KATNIP: variants seen among roughly 807,000 people sequenced by gnomAD.
The protein encoded by KATNIP is katanin-interacting protein.
Under a neutral mutation model 174.0 loss-of-function variants are expected in KATNIP, and 126 were observed. The observed-to-expected ratio is 0.72, with a 90% CI of 0.63 to 0.84. The LOEUF is 0.84. KATNIP is among the 40% of genes least tolerant of loss of function. KATNIP has a pLI of 0.00. For missense variants in KATNIP, 1,958 were observed against 2,109.7 expected (o/e 0.93, Z 1.41); for synonymous variants, 810 against 835.7 (o/e 0.97, Z 0.53).
At chr16:27,771,522 G>C in intron 21 of KATNIP, 66 bp from the exon 22 acceptor site, 3 of 1,477,504 alleles carry the variant, frequency 2.0e-6, no homozygotes, top group Non-Finnish European at 2.8e-6. Flanking sequence ...GTTACCTAGG[G>C]GGTAACTGGC....
intron 3 of KATNIP, among the ~76,000 whole-genome samples, chr16:27,622,159 G>A (rs1479667760): frequency 2.6e-5 from 4 of 151,754 alleles, no homozygotes; most frequent in Non-Finnish European, 5.9e-5. Flanking sequence ...TTTGGAAGAT[G>A]GGGGAGATTC....
chr16:27,663,556 C>T (rs1007055337), intron 6 of KATNIP, among the ~76,000 whole-genome samples: 9 of 151,780 alleles, frequency 5.9e-5, no homozygotes, highest in East Asian at 1.9e-4. Context: ...TCAAGTGATT[C>T]GCCTGTCTCA....
intron 1 of KATNIP, among the ~76,000 whole-genome samples, chr16:27,554,986 T>TG (rs1309983143): frequency 5.3e-5 from 8 of 152,010 alleles, no homozygotes; most frequent in African/African-American, 1.9e-4. Flanking sequence ...TTAGTAGAGA[T>TG]GGGGTTTCAC....
chr16:27,690,073 C>T lies in KATNIP; in HGVS notation c.941-8255C>T, dbSNP rs145519149. Among the ~76,000 whole-genome samples the T allele has an allele frequency of 3.5e-4, 53 of 152,144 alleles. No individual in the cohort carries two copies. The South Asian group carries it at 0.01, about 30-fold the overall frequency. ...AGCCTAGCACTTTGGGAGTCCGAGGCGAGAGGATCACTTGAGCCTGGGAGT... is the reference window on the plus strand; with the variant it reads ...AGCCTAGCACTTTGGGAGTCCGAGGTGAGAGGATCACTTGAGCCTGGGAGT... On this transcript the variant is annotated intron_variant, in intron 8 of 27. Transcript: ENST00000261588.
Position 27,648,848 on chromosome 16 carries a change from C to A in KATNIP, c.540+113C>A, listed in dbSNP as rs544695492. On this transcript the variant is annotated intron_variant, in intron 6 of 27. Transcript: ENST00000261588. ...GTTATTTATTCTGTCCTTCACTCGC[C>A]GCTGTGTTCCTTCACTCTTGCGTTC... 9 of 1,195,910 alleles carry A rather than the reference C, an allele frequency of 7.5e-6. No homozygotes were observed. The African/African-American group carries it at 9.1e-5, about 12-fold the overall frequency. 74.1% of individuals were successfully genotyped at this position (1,195,910 alleles called of 1,614,324 possible).
intron 1 of KATNIP, 78 bp from the exon 2 acceptor site, chr16:27,573,822 CA>C: frequency 7.5e-7 from 1 of 1,333,026 alleles, no homozygotes; most frequent in Non-Finnish European, 1.1e-6. Flanking sequence ...ATTCAGTTTG[CA>C]AATAAAAATC....
At chr16:27,572,745 T>C (rs2090355097) in intron 1 of KATNIP, among the ~76,000 whole-genome samples, 1 of 152,148 alleles carries the variant, frequency 6.6e-6, no homozygotes, top group Non-Finnish European at 1.5e-5. Context: ...TAGGGTATCA[T>C]TATGAGCTGA....
In KATNIP at chr16:27,766,490, G is replaced by T; in HGVS notation, c.3975+16G>T. ...CTATCGCGGGGTAAGCTGGGGAGCAGTGGCCGTGCTCAGTCCAGCATCAGG... is the reference window on the plus strand; with the variant it reads ...CTATCGCGGGGTAAGCTGGGGAGCATTGGCCGTGCTCAGTCCAGCATCAGG... On this transcript the variant is annotated intron_variant, in intron 20 of 27. Transcript: ENST00000261588. 1 of 1,607,220 alleles carries T rather than the reference G, an allele frequency of 6.2e-7. No individual in the cohort carries two copies.
At chr16:27,753,237 T>A (rs1357155133) in intron 17 of KATNIP, among the ~76,000 whole-genome samples, 3 of 152,136 alleles carry the variant, frequency 2.0e-5, no homozygotes, top group African/African-American at 7.2e-5. Context: ...GCTGGATTTT[T>A]CTGTAAAACC....
chr16:27,662,422 G>T (rs2077557815), intron 6 of KATNIP, among the ~76,000 whole-genome samples: 1 of 152,076 alleles, frequency 6.6e-6, no homozygotes, highest in South Asian at 2.1e-4. Context: ...AAACATCAAA[G>T]GCCCCCAGGG....
At position 27,713,811 on chromosome 16, in the gene KATNIP, T is replaced by C. The variant is rs59881732; in HGVS notation, c.1605+4891T>C. Among the ~76,000 whole-genome samples the C allele has an allele frequency of 8.2e-3, 71 of 8,700 alleles. 4 individuals are homozygous for C. Among genetic ancestry groups the C allele is most frequent in the African/African-American group, 0.02 (32 of 1,618 alleles). The allele number at this position is 8,700 out of a possible 152,430, so 5.7% of individuals were successfully genotyped here. On this transcript the variant is annotated intron_variant, in intron 13 of 27. Transcript: ENST00000261588. ...ATATGTGTGTGTGTGTGTATATACA[T>C]ATATATATATATATATATATATATA... is the stretch of plus-strand genomic sequence containing the variant.
At chr16:27,731,830 A>G (rs1253814531) in intron 14 of KATNIP, among the ~76,000 whole-genome samples, 2 of 152,140 alleles carry the variant, frequency 1.3e-5, no homozygotes, top group Non-Finnish European at 2.9e-5. Flanking sequence ...CATGTTGGCC[A>G]GGCTGGTCTC....
intron 8 of KATNIP, among the ~76,000 whole-genome samples, chr16:27,682,122 T>C (rs184269044): frequency 2.0e-5 from 3 of 152,352 alleles, no homozygotes; most frequent in African/African-American, 7.2e-5. Flanking sequence ...TAAATGAACT[T>C]GCTTACTTCA....
chr16:27,661,001 G>A (rs2077458209), intron 6 of KATNIP, among the ~76,000 whole-genome samples: 1 of 152,160 alleles, frequency 6.6e-6, no homozygotes. Context: ...ATCAATGAGT[G>A]AGTGGTATAG....
At position 27,777,507 on chromosome 16, in the gene KATNIP, T is replaced by G. The variant is rs533694214; in HGVS notation, c.4552-103T>G. 8 of 1,144,450 alleles carry G rather than the reference T, an allele frequency of 7.0e-6. No individual in the cohort carries two copies. In the African/African-American group the frequency reaches 1.2e-4, roughly 18 times the overall value. The allele number at this position is 1,144,450 out of a possible 1,614,324, so 70.9% of individuals were successfully genotyped here. A position where few individuals can be genotyped will look rare whatever the true frequency, so the allele number is the denominator to read the frequency against. ...GGCGCTTGTTCCTGACAGCCCCGTCTTCCCGAGGAGAAAGCCTTGGCTCAG... is the reference window on the plus strand; with the variant it reads ...GGCGCTTGTTCCTGACAGCCCCGTCGTCCCGAGGAGAAAGCCTTGGCTCAG... On this transcript the variant is annotated intron_variant, in intron 25 of 27. Transcript: ENST00000261588. The surrounding 1 kb of genome is among the most constrained non-coding windows in gnomAD (Gnocchi z 4.4).
chr16:27,697,228 C>T (rs1436257916), intron 8 of KATNIP, among the ~76,000 whole-genome samples: 3 of 152,168 alleles, frequency 2.0e-5, no homozygotes, highest in Non-Finnish European at 4.4e-5. Context: ...GAGGAATCGC[C>T]ATGCTGCTTT....
At chr16:27,560,196 C>G (rs1035204679) in intron 1 of KATNIP, among the ~76,000 whole-genome samples, 22 of 146,914 alleles carry the variant, frequency 1.5e-4, no homozygotes, top group Non-Finnish European at 1.5e-5. Flanking sequence ...GCAGGAGAAT[C>G]GCTTGAACCT....
chr16:27,702,781 G>A (rs2079148147), intron 11 of KATNIP, among the ~76,000 whole-genome samples: 1 of 152,162 alleles, frequency 6.6e-6, no homozygotes, highest in Admixed American at 6.5e-5. Flanking sequence ...TAAAGGCAGC[G>A]CCATCCATTC....
intron 14 of KATNIP, among the ~76,000 whole-genome samples, chr16:27,736,606 A>AG (rs1166428643): frequency 1.3e-5 from 2 of 152,176 alleles, no homozygotes; most frequent in Admixed American, 6.5e-5. Flanking sequence ...GAACAGGCTG[A>AG]GCCACATCAA....
Sources: allele counts gnomAD v4.1 joint callset (sites outside exome capture counted in the v4.1 genomes callset), GRCh38; gene constraint gnomAD v4.1.1; non-coding constraint Gnocchi (gnomAD v3.1); transcripts MANE v1.5; gene names NCBI Gene and HGNC (gene_info 2026-07-23, HGNC 2026-07-21).